The following INPP5A variants were observed in gnomAD, a reference collection of about 807,000 sequenced individuals.
The protein encoded by INPP5A is inositol polyphosphate-5-phosphatase A.
INPP5A carries 14 observed loss-of-function variants against 65.2 expected under a neutral mutation model. That is an observed-to-expected ratio of 0.21 (90% CI 0.14 to 0.34). INPP5A has a LOEUF of 0.34. INPP5A is among the 10% of genes least tolerant of loss of function. INPP5A has a pLI of 1.00. For synonymous variants in INPP5A, 207 were observed against 208.3 expected (o/e 0.99, Z 0.05); for missense variants, 431 against 545.6 (o/e 0.79, Z 2.09).
intron 1 of INPP5A, among the ~76,000 whole-genome samples, chr10:132,563,070 C>G (rs2071226074): frequency 6.6e-6 from 1 of 152,198 alleles, no homozygotes; most frequent in Non-Finnish European, 1.5e-5. Flanking sequence ...ATGCCCCCGC[C>G]CAGGCAGAGG....
In INPP5A at chr10:132,741,501, G is replaced by A. The variant is rs1336574192; in HGVS notation, c.733-8016G>A. Among the ~76,000 whole-genome samples the A allele has an allele frequency of 2.0e-5, 3 of 152,098 alleles. No individual in the cohort carries two copies. Among genetic ancestry groups the A allele is most frequent in the Admixed American group, 6.6e-5 (1 of 15,264 alleles). On this transcript the variant is annotated intron_variant, in intron 9 of 15. Transcript: ENST00000368594. This position sits in a 1 kb window ranked among gnomAD's most constrained non-coding sequence, Gnocchi z 4.4. ...ATTGCACCCAGAAGAGGATACCCCC[G>A]AATGAAGCTGGAGGCTGCTGTCCAC...
intron 4 of INPP5A, among the ~76,000 whole-genome samples, chr10:132,679,507 C>T (rs1049326911): frequency 1.3e-5 from 2 of 151,910 alleles, no homozygotes; most frequent in South Asian, 2.1e-4. Context: ...GAGAAGGGCT[C>T]GTAGGGTACC....
intron 1 of INPP5A, among the ~76,000 whole-genome samples, chr10:132,594,112 T>C (rs979727672): frequency 6.6e-6 from 1 of 152,136 alleles, no homozygotes; most frequent in African/African-American, 2.4e-5. Flanking sequence ...GGTTTGAAGG[T>C]TTCCCTTTTG....
intron 1 of INPP5A, among the ~76,000 whole-genome samples, chr10:132,559,061 C>T (rs1451070128): frequency 6.6e-6 from 1 of 152,258 alleles, no homozygotes; most frequent in Admixed American, 6.5e-5. Context: ...TCCCCGCCTC[C>T]TGCCCAGCCA....
chr10:132,566,771 A>T (rs2071279572), intron 1 of INPP5A, among the ~76,000 whole-genome samples: 2 of 152,210 alleles, frequency 1.3e-5, no homozygotes, highest in African/African-American at 2.4e-5. Flanking sequence ...AGTGTCAGGG[A>T]CAAGACACCC....
rs758903626 is a variant in INPP5A at position 132,726,858 on chromosome 10, G to T, written c.685G>T (p.Val229Leu). Residue 229 changes from valine (V) to leucine (L), a missense_variant, in exon 9 of 16, where the codon GTA (valine) becomes TTA (leucine). By Grantham distance (32) the Val-to-Leu change is conservative. Coordinates refer to ENST00000368594, the MANE Select transcript of INPP5A (RefSeq NM_005539.5). The part of the protein sequence containing the change: ...DQRFEKVSYF[V>L]FGDFNFRLDS... ...GCGATTCGAGAAGGTTTCCTACTTT[G>T]TATTTGGTGATTTCAACTTCCGGCT... 1 of 1,610,774 alleles carries T rather than the reference G, an allele frequency of 6.2e-7. No individual in the cohort carries two copies. Among genetic ancestry groups the T allele is most frequent in the African/African-American group, 1.3e-5 (1 of 74,818 alleles).
rs927691714 is a variant in INPP5A, at chr10:132,750,359, A to G, written c.903+514A>G. ...GGGGTGGGTGTGCCGCTGTATGTCCATGAGCACGTGTGTAAACAAGTGCGT... is the reference window on the plus strand; with the variant it reads ...GGGGTGGGTGTGCCGCTGTATGTCCGTGAGCACGTGTGTAAACAAGTGCGT... On this transcript the variant is annotated intron_variant, in intron 11 of 15. Transcript: ENST00000368594. Among the ~76,000 whole-genome samples, 7 of 152,252 alleles carry G rather than the reference A, an allele frequency of 4.6e-5. No homozygotes were observed. In the East Asian group the frequency reaches 5.8e-4, roughly 13 times the overall value.
intron 9 of INPP5A, among the ~76,000 whole-genome samples, chr10:132,728,239 A>T (rs1395290572): frequency 1.3e-5 from 2 of 152,206 alleles, no homozygotes; most frequent in African/African-American, 4.8e-5. Context: ...TGAGGAGCAC[A>T]TGGAGTTTTT....
rs1231524880 is a variant in INPP5A at position 132,550,159 on chromosome 10, G to A, written c.75+11988G>A. 1.3e-5 allele frequency among the ~76,000 whole-genome samples: 2 copies of A among 152,182 alleles called. No individual in the cohort carries two copies. The highest frequency in any genetic ancestry group is 2.9e-5 in the Non-Finnish European group (2 of 68,038). On this transcript the variant is annotated intron_variant, in intron 1 of 15. Transcript: ENST00000368594. This position sits in a 1 kb window ranked among gnomAD's most constrained non-coding sequence, Gnocchi z 4.2. ...GTTACTAACCAGGCAGTAGAAGATG[G>A]GGTCAGTCTTGAGTTATTAGTATTT...
rs979405300 is a variant in INPP5A at position 132,587,032 on chromosome 10, G to A, written c.76-20883G>A. On this transcript the variant is annotated intron_variant, in intron 1 of 15. Transcript: ENST00000368594. The surrounding 1 kb of genome is among the most constrained non-coding windows in gnomAD (Gnocchi z 4.3). ...CCTGGGTGGCCCCTCCCCCGCCATC[G>A]TTACGCTGTCATCAGCAAGATCACT... Among the ~76,000 whole-genome samples the A allele has an allele frequency of 6.6e-6, 1 of 152,192 alleles. No individual in the cohort carries two copies. The highest frequency in any genetic ancestry group is 1.5e-5 in the Non-Finnish European group (1 of 68,036).
chr10:132,665,739 T>C (rs1261306966), intron 4 of INPP5A, among the ~76,000 whole-genome samples: 2 of 141,816 alleles, frequency 1.4e-5, no homozygotes, highest in Non-Finnish European at 3.1e-5. Flanking sequence ...TTGCTTGAGC[T>C]TAGGAGTAAT....
intron 6 of INPP5A, among the ~76,000 whole-genome samples, chr10:132,701,711 A>G (rs770255654): frequency 2.0e-5 from 3 of 151,902 alleles, no homozygotes; most frequent in Non-Finnish European, 4.4e-5. Context: ...GGGCCCCTGA[A>G]CCTGCTGATG....
At position 132,697,247 on chromosome 10, in the gene INPP5A, C is replaced by T. The variant is rs142540207; in HGVS notation, c.371-569C>T. Among the ~76,000 whole-genome samples the T allele has an allele frequency of 1.3e-5, 2 of 152,324 alleles. No individual in the cohort carries two copies. Among genetic ancestry groups the T allele is most frequent in the East Asian group, 3.9e-4 (2 of 5,172 alleles). On this transcript the variant is annotated intron_variant, in intron 5 of 15. Transcript: ENST00000368594. The surrounding 1 kb of genome is among the most constrained non-coding windows in gnomAD (Gnocchi z 5.6). Reference sequence around the variant, plus strand: ...AGAAAGGCTGAGGCCTGGTTGTGAACAATAGTGAGACGGGCCCTGCCCATG... The same window carrying T: ...AGAAAGGCTGAGGCCTGGTTGTGAATAATAGTGAGACGGGCCCTGCCCATG...
chr10:132,694,277 C>G (rs1167899743), intron 5 of INPP5A, among the ~76,000 whole-genome samples: 2 of 152,258 alleles, frequency 1.3e-5, no homozygotes, highest in East Asian at 3.9e-4. Flanking sequence ...ATCTAAATAA[C>G]ATATGAGTCA....
intron 4 of INPP5A, among the ~76,000 whole-genome samples, chr10:132,685,894 A>G (rs1364004262): frequency 6.6e-6 from 1 of 152,248 alleles, no homozygotes; most frequent in Non-Finnish European, 1.5e-5. Flanking sequence ...GTGGCCATTT[A>G]TCACATTACC....
chr10:132,631,298 G>GGTCT (rs1313868008), intron 2 of INPP5A, among the ~76,000 whole-genome samples: 1 of 152,136 alleles, frequency 6.6e-6, no homozygotes, highest in Non-Finnish European at 1.5e-5. Flanking sequence ...TGGGAACCTG[G>GGTCT]GTCTGGTTGG....
At chr10:132,747,985 G>A (rs1846401864) in intron 9 of INPP5A, among the ~76,000 whole-genome samples, 1 of 152,162 alleles carries the variant, frequency 6.6e-6, no homozygotes, top group African/African-American at 2.4e-5. Context: ...AGGAGGTCAA[G>A]GTTAAAACGA....
chr10:132,734,691 C>T (rs148106367), intron 9 of INPP5A, among the ~76,000 whole-genome samples: 2 of 152,240 alleles, frequency 1.3e-5, no homozygotes, highest in East Asian at 1.9e-4. Flanking sequence ...CAGGAGTGCC[C>T]GGGGCAGTGG....
In INPP5A at chr10:132,697,657, G is replaced by A. The variant is rs1018743481; in HGVS notation, c.371-159G>A. On this transcript the variant is annotated intron_variant, in intron 5 of 15. Transcript: ENST00000368594. This position sits in a 1 kb window ranked among gnomAD's most constrained non-coding sequence, Gnocchi z 5.6. ...ACAGGCATGGAGTAGCCGGCCCGCTGGGGGTCTGTTCTGGGTCGGACCCCT... is the reference window on the plus strand; with the variant it reads ...ACAGGCATGGAGTAGCCGGCCCGCTAGGGGTCTGTTCTGGGTCGGACCCCT... Among the ~76,000 whole-genome samples, 1 of 152,122 alleles carries A rather than the reference G, an allele frequency of 6.6e-6. No individual in the cohort carries two copies. The highest frequency in any genetic ancestry group is 2.4e-5 in the African/African-American group (1 of 41,428).
Sources: allele counts gnomAD v4.1 joint callset (sites outside exome capture counted in the v4.1 genomes callset), GRCh38; gene constraint gnomAD v4.1.1; non-coding constraint Gnocchi (gnomAD v3.1); transcripts MANE v1.5; gene names NCBI Gene and HGNC (gene_info 2026-07-23, HGNC 2026-07-21).